Variants in NDUFA10 observed in about 807,000 individuals in gnomAD.
NDUFA10 encodes NADH:ubiquinone oxidoreductase subunit A10, also known as NADH dehydrogenase [ubiquinone] 1 alpha subcomplex subunit 10, mitochondrial.
NDUFA10 carries 40 observed loss-of-function variants against 47.8 expected under a neutral mutation model. That is an observed-to-expected ratio of 0.84 (90% CI 0.65 to 1.09). NDUFA10 has a LOEUF of 1.09. NDUFA10 is among the 50% of genes least tolerant of loss of function. The probability of loss-of-function intolerance (pLI) is 0.00; values close to 1 mark genes in which losing one functional copy is unlikely to be tolerated. For synonymous variants in NDUFA10, 183 were observed against 172.2 expected (o/e 1.06, Z -0.49); for missense variants, 413 against 451.1 (o/e 0.92, Z 0.76).
chr2:239,922,605 C>A (rs922669732), intron 4 of NDUFA10, among the ~76,000 whole-genome samples: 28 of 152,234 alleles, frequency 1.8e-4, no homozygotes, highest in African/African-American at 6.5e-4. Context: ...ATTGCCATTA[C>A]CACTGTCGTC....
intron 8 of NDUFA10, among the ~76,000 whole-genome samples, chr2:239,996,039 C>T (rs1021718738): frequency 6.6e-6 from 1 of 152,148 alleles, no homozygotes; most frequent in Non-Finnish European, 1.5e-5. Context: ...GAGAGAAAAT[C>T]CGTAAGGAGA....
At position 239,987,373 on chromosome 2, in the gene NDUFA10, T is replaced by C. The variant is rs1028174725; in HGVS notation, c.999+2701A>G. ...GCGTGTCTGGGCCCCATCCCCTGCG[T>C]GTCTAGTCCAGGAGGCCTGGACTGA... On this transcript the variant is annotated intron_variant, in intron 9 of 9. Coordinates refer to ENST00000252711, the MANE Select transcript of NDUFA10 (RefSeq NM_004544.4). The surrounding 1 kb of genome is among the most constrained non-coding windows in gnomAD (Gnocchi z 4.8). 6.6e-6 allele frequency among the ~76,000 whole-genome samples: 1 copy of C among 151,986 alleles called. No individual in the cohort carries two copies. The highest frequency in any genetic ancestry group is 1.5e-5 in the Non-Finnish European group (1 of 67,982).
chr2:240,000,348 C>T (rs1019215606), intron 8 of NDUFA10, among the ~76,000 whole-genome samples: 3 of 152,006 alleles, frequency 2.0e-5, no homozygotes, highest in East Asian at 3.9e-4. Flanking sequence ...CAGATGCTCC[C>T]GACTCCAGGT....
At chr2:239,934,524 G>A (rs534984755) in intron 4 of NDUFA10, among the ~76,000 whole-genome samples, 1 of 152,224 alleles carries the variant, frequency 6.6e-6, no homozygotes, top group South Asian at 2.1e-4. Context: ...TACTCATGAT[G>A]TTTGGATCCA....
downstream of NDUFA10, among the ~76,000 whole-genome samples, chr2:239,954,743 A>AT (rs1264320487): frequency 2.6e-5 from 4 of 152,106 alleles, no homozygotes; most frequent in Non-Finnish European, 5.9e-5. Flanking sequence ...GCATTTTTTT[A>AT]TTTTTTTGTA....
chr2:239,960,913 C>G lies in NDUFA10; in HGVS notation c.*205G>C. ...CATTCCAAAACAAAGCTAAAGGGTT[C>G]CAAACATCCAGAATGGAAGCTGCTT... is the stretch of plus-strand genomic sequence containing the variant. On this transcript the variant is annotated 3_prime_UTR_variant, in exon 10 of 10. Transcript: ENST00000252711. The G allele has an allele frequency of 6.8e-7, 1 of 1,468,572 alleles. No individual in the cohort carries two copies. Among genetic ancestry groups the G allele is most frequent in the Non-Finnish European group, 9.0e-7 (1 of 1,106,920 alleles). 91.0% of individuals were successfully genotyped at this position (1,468,572 alleles called of 1,614,324 possible).
intron 4 of NDUFA10, among the ~76,000 whole-genome samples, chr2:239,914,484 G>A (rs1171310216): frequency 8.4e-6 from 1 of 118,908 alleles, no homozygotes; most frequent in Non-Finnish European, 1.7e-5. Flanking sequence ...CACAAATATA[G>A]ACACACACAG....
chr2:240,011,531 A>T, intron 6 of NDUFA10, 86 bp downstream of exon 6: 2 of 1,020,388 alleles, frequency 2.0e-6, no homozygotes, highest in South Asian at 2.6e-5. Flanking sequence ...AGTAAATAAG[A>T]CAGAAAACTC....
intron 4 of NDUFA10, among the ~76,000 whole-genome samples, chr2:239,915,199 A>C (rs1046866708): frequency 3.4e-5 from 5 of 147,812 alleles, no homozygotes; most frequent in Non-Finnish European, 7.5e-5. Context: ...ACACGTATAC[A>C]GACACACAAA....
chr2:239,994,979 T>C (rs1044134142), intron 8 of NDUFA10, among the ~76,000 whole-genome samples: 1 of 152,112 alleles, frequency 6.6e-6, no homozygotes, highest in East Asian at 1.9e-4. Context: ...TTATAGCTTA[T>C]AAAAAGTGGA....
chr2:240,010,176 C>T (rs867551119), intron 6 of NDUFA10, among the ~76,000 whole-genome samples: 1 of 152,226 alleles, frequency 6.6e-6, no homozygotes. Context: ...ATGACCCCTA[C>T]ATCAAGTGGC....
At chr2:239,933,954 C>T (rs1232561027) in intron 4 of NDUFA10, among the ~76,000 whole-genome samples, 2 of 152,148 alleles carry the variant, frequency 1.3e-5, no homozygotes, top group African/African-American at 2.4e-5. Context: ...AACATCTGGG[C>T]TCAAGCAATC....
rs376392869 is a variant in NDUFA10 at position 240,024,531 on chromosome 2, T to C, written c.75+696A>G. ...GAAGCTACTCTGTACGAACCTATAA[T>C]GGTGGAGACATGCTATTACACACGT... On this transcript the variant is annotated intron_variant, in intron 1 of 9. Coordinates refer to ENST00000252711, the MANE Select transcript of NDUFA10 (RefSeq NM_004544.4). 1.1e-3 allele frequency among the ~76,000 whole-genome samples: 165 copies of C among 152,364 alleles called. 1 individual carries two copies. The highest frequency in any genetic ancestry group is 3.6e-3 in the African/African-American group (150 of 41,586).
At chr2:239,900,504 G>T (rs996083916) in intron 4 of NDUFA10, among the ~76,000 whole-genome samples, 1 of 151,886 alleles carries the variant, frequency 6.6e-6, no homozygotes, top group Non-Finnish European at 1.5e-5. Flanking sequence ...GGTGATAATG[G>T]CTGCCTCCCC....
chr2:239,976,274 G>C (rs1695514466), intron 9 of NDUFA10, among the ~76,000 whole-genome samples: 1 of 152,150 alleles, frequency 6.6e-6, no homozygotes, highest in Non-Finnish European at 1.5e-5. Context: ...TGGAAAGTAA[G>C]CTCCACGGTC....
chr2:239,932,787 T>C (rs1208830207), intron 4 of NDUFA10, among the ~76,000 whole-genome samples: 1 of 152,178 alleles, frequency 6.6e-6, no homozygotes, highest in Non-Finnish European at 1.5e-5. Context: ...TTCACCGTGT[T>C]AGCCAGGATG....
intron 4 of NDUFA10, among the ~76,000 whole-genome samples, chr2:239,936,761 T>G (rs1422014566): frequency 6.6e-6 from 1 of 152,202 alleles, no homozygotes; most frequent in South Asian, 2.1e-4. Flanking sequence ...AAGACCAGCC[T>G]GGCCAACATG....
At chr2:239,965,325 G>C (rs1695015689) in intron 9 of NDUFA10, among the ~76,000 whole-genome samples, 2 of 152,014 alleles carry the variant, frequency 1.3e-5, no homozygotes, top group African/African-American at 4.8e-5. Flanking sequence ...GGGTTCATTT[G>C]CAGCATCTCA....
chr2:240,017,110 G>A (rs951393778), intron 4 of NDUFA10, among the ~76,000 whole-genome samples: 7 of 152,004 alleles, frequency 4.6e-5, no homozygotes, highest in East Asian at 1.9e-4. Context: ...TTCCCCTTCC[G>A]TCTCTCCTCA....
Sources: allele counts gnomAD v4.1 joint callset (sites outside exome capture counted in the v4.1 genomes callset), GRCh38; gene constraint gnomAD v4.1.1; non-coding constraint Gnocchi (gnomAD v3.1); transcripts MANE v1.5; gene names NCBI Gene and HGNC (gene_info 2026-07-23, HGNC 2026-07-21).